KYAT3: variants seen among roughly 807,000 people sequenced by gnomAD.
The protein encoded by KYAT3 is kynurenine aminotransferase 3, also known as kynurenine--oxoglutarate transaminase 3.
In KYAT3, 50 loss-of-function variants were observed where a neutral mutation model predicts 59.0. The ratio of observed to expected loss-of-function variants is 0.85; its 90% CI spans 0.68 to 1.07. The LOEUF is 1.07. KYAT3 is among the 50% of genes least tolerant of loss of function. KYAT3 has a pLI of 0.00. For synonymous variants in KYAT3, 148 were observed against 177.0 expected, an observed-to-expected ratio of 0.84 and a Z score of 1.30; for missense variants, 497 against 533.3, an observed-to-expected ratio of 0.93 and a Z score of 0.67.
intron 9 of KYAT3, among the ~76,000 whole-genome samples, chr1:88,954,482 C>A (rs143325995): frequency 3.3e-5 from 5 of 152,108 alleles, no homozygotes; most frequent in African/African-American, 1.2e-4. Flanking sequence ...ACATTTAGAA[C>A]CTGGTATATA....
At position 88,943,385 on chromosome 1, in the gene KYAT3, C is replaced by G. The variant is rs759205673; in HGVS notation, c.1180G>C (p.Asp394His). The change falls in exon 12 of 14, where the codon GAC becomes CAC. Residue 394 changes from aspartate to histidine, a missense_variant. This residue lies in a region of KYAT3 where 469 missense variants were observed against 479.1 expected (regional missense o/e 0.98). Coordinates refer to ENST00000260508, the MANE Select transcript of KYAT3 (RefSeq NM_001008661.3). ...GTCATCCATTTCACAAACTTATAGT[C>G]ATAAGGCTCATTATTCTTCATATCA... ...LSDMKNNEPY[D>H]YKFVKWMTKH... is the part of the protein sequence containing the mutation. 6.3e-7 allele frequency: 1 copy of G among 1,585,276 alleles called. No homozygotes were observed. The highest frequency in any genetic ancestry group is 1.1e-5 in the South Asian group (1 of 87,372).
Position 88,968,814 on chromosome 1 carries a change from C to A in KYAT3, c.159G>T (p.Trp53Cys). Residue 53 changes from tryptophan (W) to cysteine (C), a missense_variant and splice_region_variant, in exon 4 of 14, where the codon TGG (tryptophan) becomes TGT (cysteine). By Grantham distance (215) the Trp-to-Cys change is radical. This residue lies in a region of KYAT3 where 469 missense variants were observed against 479.1 expected (regional missense o/e 0.98). Coordinates refer to ENST00000260508, the MANE Select transcript of KYAT3 (RefSeq NM_001008661.3). ...KRIEGLDSNV[W>C]IEFTKLAADP... The stretch of plus-strand genomic sequence containing the variant: ...CTGCAGCCAATTTGGTAAATTCAAT[C>A]CTAAGATTGAAAAAAATACTAATAT... 6.4e-7 allele frequency: 1 copy of A among 1,574,442 alleles called. No individual in the cohort carries two copies. Among genetic ancestry groups the A allele is most frequent in the Admixed American group, 2.1e-5 (1 of 47,608 alleles).
downstream of KYAT3, among the ~76,000 whole-genome samples, chr1:88,933,366 G>A (rs969629291): frequency 1.3e-5 from 2 of 151,962 alleles, no homozygotes; most frequent in African/African-American, 4.8e-5. Flanking sequence ...AAGGAAGGAG[G>A]AGAAGAAGGA....
chr1:88,989,070 C>A (rs916326789), intron 1 of KYAT3, among the ~76,000 whole-genome samples: 4 of 152,186 alleles, frequency 2.6e-5, no homozygotes, highest in African/African-American at 9.7e-5. Flanking sequence ...ACCCAGCTTT[C>A]TAAAAACATT....
intron 8 of KYAT3, among the ~76,000 whole-genome samples, chr1:88,958,988 CAA>C: frequency 6.6e-6 from 1 of 152,160 alleles, no homozygotes; most frequent in Non-Finnish European, 1.5e-5. Context: ...CCTCATAAAT[CAA>C]ACTGAGGCGA....
rs563669006 is a variant in KYAT3 at position 88,978,108 on chromosome 1, CATGT to C, written c.100-8645_100-8642del. ...TATGTATATATGTATATAATATACA[CATGT>C]ATGTATATGTTATGTATATTTTGAT... is the stretch of plus-strand genomic sequence containing the variant. On this transcript the variant is annotated intron_variant, in intron 2 of 13. Coordinates refer to ENST00000260508, the MANE Select transcript of KYAT3 (RefSeq NM_001008661.3). Among the ~76,000 whole-genome samples, 1,175 of 151,926 alleles carry C rather than the reference CATGT, an allele frequency of 7.7e-3. 12 individuals carry two copies. Among genetic ancestry groups the C allele is most frequent in the Non-Finnish European group, 9.6e-3 (655 of 67,958 alleles).
chr1:88,982,870 T>TC (rs750590685), intron 2 of KYAT3: 16 of 1,613,964 alleles, frequency 9.9e-6, no homozygotes, highest in Non-Finnish European at 8.5e-7. Context: ...TTCCACCATA[T>TC]CCATCACGTG....
chr1:88,988,434 A>C, intron 1 of KYAT3, 83 bp from the exon 2 acceptor site: 1 of 716,802 alleles, frequency 1.4e-6, no homozygotes, highest in Non-Finnish European at 2.3e-6. Context: ...TAGCTGATGT[A>C]TCATAAGCTT....
rs1272160628 is a variant in KYAT3 at position 88,935,812 on chromosome 1, T to G, written c.*371A>C. The G allele has an allele frequency of 1.0e-5, 4 of 399,730 alleles. No individual in the cohort carries two copies. Among genetic ancestry groups the G allele is most frequent in the Non-Finnish European group, 1.8e-5 (4 of 226,692 alleles). 24.8% of individuals were successfully genotyped at this position (399,730 alleles called of 1,614,324 possible). A position where few individuals can be genotyped will look rare whatever the true frequency, so the allele number is the denominator to read the frequency against. On this transcript the variant is annotated 3_prime_UTR_variant, in exon 14 of 14. Coordinates refer to ENST00000260508, the MANE Select transcript of KYAT3 (RefSeq NM_001008661.3). ...GATGAGTGTTTATTGTTTGCCAGGC[T>G]TTTTGCATACATTAGTCCATTTAAT...
In KYAT3 at chr1:88,953,965, G is replaced by A. The variant is rs372843998; in HGVS notation, c.865-813C>T. ...TTGCCCAGACTAGAGTGCAATGGCC[G>A]GATCTCGGCTCACTCAACCTCCGCC... On this transcript the variant is annotated intron_variant, in intron 9 of 13. Coordinates refer to ENST00000260508, the MANE Select transcript of KYAT3 (RefSeq NM_001008661.3). Among the ~76,000 whole-genome samples the A allele has an allele frequency of 6.6e-5, 10 of 150,694 alleles. No individual in the cohort carries two copies. The East Asian group carries it at 9.7e-4, about 15-fold the overall frequency.
At chr1:88,955,332 T>TA in intron 8 of KYAT3, 107 bp from the exon 9 acceptor site, 2 of 697,310 alleles carry the variant, frequency 2.9e-6, no homozygotes, top group Non-Finnish European at 4.8e-6. Context: ...ATAAGTGTGT[T>TA]ATAATTTAGC....
Position 88,936,261 on chromosome 1 carries a change from A to G in KYAT3, c.1303-16T>C. On this transcript the variant is annotated splice_polypyrimidine_tract_variant and intron_variant, in intron 13 of 13. Transcript: ENST00000260508. The stretch of plus-strand genomic sequence containing the variant: ...TGCTGTCTTTCTGTAAATTAATGAA[A>G]TAATCATCATTATTACAGATATACA... 2 of 1,546,172 alleles carry G rather than the reference A, an allele frequency of 1.3e-6. No individual in the cohort carries two copies. The highest frequency in any genetic ancestry group is 1.8e-6 in the Non-Finnish European group (2 of 1,121,022).
intron 2 of KYAT3, chr1:88,982,806 C>T (rs1480801389): frequency 6.2e-7 from 1 of 1,613,992 alleles, no homozygotes; most frequent in South Asian, 1.1e-5. Context: ...TGTCTGCCAA[C>T]CCTGTCACAA....
At chr1:88,926,427 C>A in the KYAT3 span, among the ~76,000 whole-genome samples, 1 of 152,182 alleles carries the variant, frequency 6.6e-6, no homozygotes, top group African/African-American at 2.4e-5. Flanking sequence ...AATCCACCCC[C>A]CTCACCCCCA....
intron 4 of KYAT3, among the ~76,000 whole-genome samples, chr1:88,968,114 C>G (rs1449668196): frequency 6.6e-6 from 1 of 152,154 alleles, no homozygotes; most frequent in East Asian, 1.9e-4. Context: ...CAGGCTTCCT[C>G]CTATACCATT....
chr1:88,951,240 T>TA (rs1206966409), intron 10 of KYAT3, among the ~76,000 whole-genome samples: 1 of 145,376 alleles, frequency 6.9e-6, no homozygotes, highest in Non-Finnish European at 1.5e-5. Context: ...CTTTCTTTTC[T>TA]TTTTTTTTTT....
chr1:88,943,084 G>C lies in KYAT3; in HGVS notation c.1223C>G (p.Ser408Ter), dbSNP rs1322419220. Residue 408 changes from serine to a stop codon, truncating the protein, a stop_gained, in exon 13 of 14, where the codon TCA becomes TGA. Transcript: ENST00000260508. LOFTEE classifies it high-confidence loss of function. ...ACAGAATGCTGAAACGGGGATGGCT[G>C]ATAGTTTCTGAAAAATAAATAGAAA... ...VKWMTKHKKL[S>*]AIPVSAFCNS... The C allele has an allele frequency of 6.2e-7, 1 of 1,607,448 alleles. No individual in the cohort carries two copies. The highest frequency in any genetic ancestry group is 8.5e-7 in the Non-Finnish European group (1 of 1,175,260).
At chr1:88,975,335 G>T (rs2810877) in intron 2 of KYAT3, among the ~76,000 whole-genome samples, 150,144 of 152,280 alleles carry the variant, frequency 0.99, 74,051 homozygotes, top group Middle Eastern at 1. Context: ...GTATTTTTAG[G>T]AGAGACTGGG....
At chr1:88,946,251 T>TG (rs1675437633) in intron 11 of KYAT3, among the ~76,000 whole-genome samples, 1 of 152,248 alleles carries the variant, frequency 6.6e-6, no homozygotes, top group African/African-American at 2.4e-5. Flanking sequence ...TAGTCTCAAG[T>TG]TAATGCTAAT....
Sources: gnomAD v4.1 joint callset for allele counts (sites outside exome capture counted in the v4.1 genomes callset) on GRCh38, gnomAD v4.1.1 for gene constraint, gnomAD v4.1.1 regional missense constraint, MANE v1.5 for transcripts, NCBI Gene and HGNC (gene_info 2026-07-23, HGNC 2026-07-21) for gene names.